The following LRRC4C variants were observed in gnomAD, a reference collection of about 807,000 sequenced individuals.
LRRC4C encodes leucine rich repeat containing 4C, also known as leucine-rich repeat-containing protein 4C.
LRRC4C carries 5 observed loss-of-function variants against 33.6 expected under a neutral mutation model. The observed-to-expected ratio is 0.15, with a 90% confidence interval of 0.08 to 0.31. The LOEUF (loss-of-function observed/expected upper bound fraction) is 0.31, where lower values mean the gene tolerates loss of function less well. LRRC4C is among the 10% of genes least tolerant of loss of function. The probability of loss-of-function intolerance (pLI) is 1.00; values close to 1 mark genes in which losing one functional copy is unlikely to be tolerated. For synonymous variants in LRRC4C, 329 were observed against 302.0 expected (o/e 1.09, Z -0.93); for missense variants, 560 against 796.7 (o/e 0.70, Z 3.58).
chr11:40,182,806 C>T (rs1861112783), intron 5 of LRRC4C, among the ~76,000 whole-genome samples: 1 of 152,156 alleles, frequency 6.6e-6, no homozygotes, highest in Admixed American at 6.5e-5. Context: ...TTTTCAGTTT[C>T]CTCCAATTGT....
intron 5 of LRRC4C, among the ~76,000 whole-genome samples, chr11:40,204,669 T>C (rs1863014440): frequency 6.6e-6 from 1 of 152,118 alleles, no homozygotes; most frequent in Non-Finnish European, 1.5e-5. Flanking sequence ...AATTGATAAA[T>C]ACAGATGGCT....
chr11:41,407,073 T>C (rs2055959900), intron 1 of LRRC4C, among the ~76,000 whole-genome samples: 1 of 152,302 alleles, frequency 6.6e-6, no homozygotes, highest in African/African-American at 2.4e-5. Flanking sequence ...TTATTAAAGA[T>C]ATGTGTGTTT....
At chr11:40,128,754 G>A (rs1856441384) in intron 6 of LRRC4C, among the ~76,000 whole-genome samples, 1 of 151,988 alleles carries the variant, frequency 6.6e-6, no homozygotes, top group Admixed American at 6.5e-5. Flanking sequence ...CAGGACCTTT[G>A]TACTAGGATT....
At chr11:41,315,154 G>T (rs1464734956) in intron 1 of LRRC4C, among the ~76,000 whole-genome samples, 1 of 152,106 alleles carries the variant, frequency 6.6e-6, no homozygotes, top group Non-Finnish European at 1.5e-5. Context: ...AAAAAAATGT[G>T]CACTGAAGAT....
At chr11:41,150,817 AAAAT>A (rs1943962193) in intron 1 of LRRC4C, among the ~76,000 whole-genome samples, 2 of 151,104 alleles carry the variant, frequency 1.3e-5, no homozygotes, top group African/African-American at 4.8e-5. Flanking sequence ...AAAATAAAAT[AAAAT>A]AAATAAAGTA....
chr11:40,414,312 A>C (rs1443966787), intron 3 of LRRC4C, among the ~76,000 whole-genome samples: 1 of 152,130 alleles, frequency 6.6e-6, no homozygotes, highest in African/African-American at 2.4e-5. Flanking sequence ...GATTTTGCTG[A>C]ACATTATTTT....
At chr11:40,434,952 A>G (rs1199859888) in intron 3 of LRRC4C, among the ~76,000 whole-genome samples, 1 of 152,216 alleles carries the variant, frequency 6.6e-6, no homozygotes, top group Non-Finnish European at 1.5e-5. Flanking sequence ...GAGCTTTATT[A>G]GTTGACCACT....
intron 2 of LRRC4C, among the ~76,000 whole-genome samples, chr11:40,812,466 T>C (rs1951530442): frequency 6.6e-6 from 1 of 152,198 alleles, no homozygotes; most frequent in African/African-American, 2.4e-5. Flanking sequence ...AATTCGGCTT[T>C]AGAAAAGAAA....
chr11:41,310,179 A>G (rs1950607514), intron 1 of LRRC4C, among the ~76,000 whole-genome samples: 1 of 152,250 alleles, frequency 6.6e-6, no homozygotes, highest in South Asian at 2.1e-4. Flanking sequence ...TGTCTAGACT[A>G]AAAGAGGTTT....
chr11:40,152,570 C>G (rs1385904287), intron 5 of LRRC4C, among the ~76,000 whole-genome samples: 4 of 152,180 alleles, frequency 2.6e-5, no homozygotes, highest in Non-Finnish European at 4.4e-5. Context: ...CTCTCGCCCT[C>G]TGCCTGGAAA....
chr11:40,684,118 G>A (rs576327207), intron 2 of LRRC4C, among the ~76,000 whole-genome samples: 8 of 152,068 alleles, frequency 5.3e-5, no homozygotes, highest in Admixed American at 5.2e-4. Context: ...TTTAGCAGAT[G>A]TAGTAAATAG....
At chr11:40,828,586 AG>A (rs1952269065) in intron 2 of LRRC4C, among the ~76,000 whole-genome samples, 1 of 151,930 alleles carries the variant, frequency 6.6e-6, no homozygotes, top group Admixed American at 6.6e-5. Context: ...GATATGGAAA[AG>A]TTTCATACAA....
intron 2 of LRRC4C, among the ~76,000 whole-genome samples, chr11:40,673,070 T>C (rs1447866892): frequency 6.6e-6 from 1 of 152,018 alleles, no homozygotes; most frequent in Non-Finnish European, 1.5e-5. Context: ...GAAATGAAGA[T>C]TCTGATTATG....
chr11:40,920,708 A>G lies in LRRC4C; in HGVS notation c.-407+12927T>C, dbSNP rs549356540. On this transcript the variant is annotated intron_variant, in intron 2 of 6. Coordinates refer to ENST00000528697, the MANE Select transcript of LRRC4C (RefSeq NM_001258419.2). Reference sequence around the variant, plus strand: ...AGAGCAGCCCAAACATGGATATCACAATGAGATCTTTGTGGTACGTAGAAT... The same window carrying G: ...AGAGCAGCCCAAACATGGATATCACGATGAGATCTTTGTGGTACGTAGAAT... Among the ~76,000 whole-genome samples, 4 of 152,210 alleles carry G rather than the reference A, an allele frequency of 2.6e-5. No homozygotes were observed. In the South Asian group the frequency reaches 8.3e-4, roughly 32 times the overall value.
chr11:41,096,682 G>A (rs186179576), intron 1 of LRRC4C, among the ~76,000 whole-genome samples: 1 of 152,264 alleles, frequency 6.6e-6, no homozygotes, highest in African/African-American at 2.4e-5. Flanking sequence ...GAAGTGTCCT[G>A]TTTGCTGCCC....
At chr11:41,314,879 T>C (rs1174938468) in intron 1 of LRRC4C, among the ~76,000 whole-genome samples, 1 of 152,272 alleles carries the variant, frequency 6.6e-6, no homozygotes, top group South Asian at 2.1e-4. Flanking sequence ...TTCATTCTCC[T>C]GGAAAACTTC....
rs16935170 is a variant in LRRC4C at position 40,950,263 on chromosome 11, C to T, written c.-495-16540G>A. 2.5e-3 allele frequency among the ~76,000 whole-genome samples: 383 copies of T among 152,016 alleles called. 15 individuals carry two copies. In the East Asian group the frequency reaches 0.062, roughly 25 times the overall value. Reference sequence around the variant, plus strand: ...ATGTTTTTTTCTTTTTTCTACAACCCATTCTACTGAGCACCTACCATGTTC... The same window carrying T: ...ATGTTTTTTTCTTTTTTCTACAACCTATTCTACTGAGCACCTACCATGTTC... On this transcript the variant is annotated intron_variant, in intron 1 of 6. Coordinates refer to ENST00000528697, the MANE Select transcript of LRRC4C (RefSeq NM_001258419.2).
intron 3 of LRRC4C, among the ~76,000 whole-genome samples, chr11:40,459,782 TC>T (rs1952305397): frequency 6.6e-6 from 1 of 152,092 alleles, no homozygotes; most frequent in Non-Finnish European, 1.5e-5. Context: ...CACAAAGCCA[TC>T]ACAATGAGGG....
At chr11:40,235,168 T>C (rs1409668512) in intron 5 of LRRC4C, among the ~76,000 whole-genome samples, 1 of 152,242 alleles carries the variant, frequency 6.6e-6, no homozygotes, top group East Asian at 1.9e-4. Context: ...TTTAACTATC[T>C]TGTGGCAGGA....
Sources: gnomAD v4.1 joint callset for allele counts (sites outside exome capture counted in the v4.1 genomes callset) on GRCh38, gnomAD v4.1.1 for gene constraint, MANE v1.5 for transcripts, NCBI Gene and HGNC (gene_info 2026-07-23, HGNC 2026-07-21) for gene names.